MMP20: variants seen among roughly 807,000 people sequenced by gnomAD.
The protein encoded by MMP20 is matrix metalloproteinase-20.
A neutral mutation model predicts 51.8 loss-of-function variants in MMP20; 50 were observed. The ratio of observed to expected loss-of-function variants is 0.97; its 90% confidence interval spans 0.77 to 1.22. The LOEUF is 1.22. Among genes scored for constraint, MMP20 ranks in the 50% most tolerant of loss-of-function variants. MMP20 has a pLI of 0.00. For synonymous variants in MMP20, 244 were observed against 216.2 expected (o/e 1.13, Z -1.13); for missense variants, 663 against 601.4 (o/e 1.10, Z -1.07).
At chr11:102,590,174 G>A (rs922786900) in intron 8 of MMP20, among the ~76,000 whole-genome samples, 1 of 152,052 alleles carries the variant, frequency 6.6e-6, no homozygotes, top group African/African-American at 2.4e-5. Flanking sequence ...TGGTAGGCAA[G>A]GAAGAATATG....
At chr11:102,580,256 C>T (rs1013593671) in intron 8 of MMP20, among the ~76,000 whole-genome samples, 3 of 152,196 alleles carry the variant, frequency 2.0e-5, no homozygotes, top group African/African-American at 7.2e-5. Flanking sequence ...GTCAGCATGA[C>T]TTGTATGAGA....
chr11:102,620,596 G>A (rs908630631), intron 1 of MMP20, among the ~76,000 whole-genome samples: 1 of 152,158 alleles, frequency 6.6e-6, no homozygotes, highest in Non-Finnish European at 1.5e-5. Context: ...GGAGGCCAGG[G>A]GTTCCATTCC....
rs1784441 is a variant in MMP20, at chr11:102,593,219, A to G, written c.1247+220T>C. On this transcript the variant is annotated intron_variant, in intron 8 of 9. Coordinates refer to ENST00000260228, the MANE Select transcript of MMP20 (RefSeq NM_004771.4). ...AAGATCAGGATGTGTCAAGTCCTAC[A>G]GACCAAACAATGGGATTATTGAATG... Among the ~76,000 whole-genome samples, 78,109 of 152,000 alleles carry G rather than the reference A, an allele frequency of 0.51. 20,617 individuals are homozygous for G. The highest frequency in any genetic ancestry group is 0.67 in the South Asian group (3,241 of 4,822).
In MMP20 at chr11:102,594,771, CAAAAAAAAAAAA is replaced by C; in HGVS notation, c.954-26_954-15del. On this transcript the variant is annotated splice_polypyrimidine_tract_variant and intron_variant, in intron 6 of 9. Transcript: ENST00000260228. ...CTCCAGAAAATCCTATGGGACATTC[CAAAAAAAAAAAA>C]AAAAAAAATCAAGATCAATGATTGA... The C allele has an allele frequency of 7.1e-7, 1 of 1,403,682 alleles. No homozygotes were observed. Among genetic ancestry groups the C allele is most frequent in the African/African-American group, 1.7e-5 (1 of 57,278 alleles). The allele number at this position is 1,403,682 out of a possible 1,614,324, so 87.0% of individuals were successfully genotyped here.
At chr11:102,587,076 AG>A (rs1241060260) in intron 8 of MMP20, among the ~76,000 whole-genome samples, 3 of 152,132 alleles carry the variant, frequency 2.0e-5, no homozygotes, top group Non-Finnish European at 4.4e-5. Flanking sequence ...TTTTAAATAT[AG>A]GCTTTTATAG....
At chr11:102,615,054 TTAA>T (rs1859650103) in intron 2 of MMP20, among the ~76,000 whole-genome samples, 1 of 147,876 alleles carries the variant, frequency 6.8e-6, no homozygotes, top group Non-Finnish European at 1.5e-5. Context: ...ATTTATTATA[TTAA>T]TGTAATTATT....
intron 1 of MMP20, among the ~76,000 whole-genome samples, chr11:102,619,401 A>G (rs2459478): frequency 0.62 from 94,129 of 151,898 alleles, 29,636 homozygotes; most frequent in East Asian, 0.89. Flanking sequence ...TAAGTGGAAA[A>G]CATGTTTGCC....
intron 8 of MMP20, among the ~76,000 whole-genome samples, chr11:102,587,538 TG>T (rs1335466675): frequency 2.0e-5 from 3 of 152,154 alleles, no homozygotes; most frequent in Non-Finnish European, 4.4e-5. Context: ...TTACTGAAAG[TG>T]GGGTATTGAA....
At chr11:102,604,621 G>A (rs1355183648) in intron 6 of MMP20, among the ~76,000 whole-genome samples, 1 of 152,130 alleles carries the variant, frequency 6.6e-6, no homozygotes, top group Non-Finnish European at 1.5e-5. Context: ...GGGTTCCTGG[G>A]CTCAGCTCTA....
intron 6 of MMP20, among the ~76,000 whole-genome samples, chr11:102,606,089 C>T (rs1421715996): frequency 1.3e-5 from 2 of 152,206 alleles, no homozygotes; most frequent in Non-Finnish European, 2.9e-5. Context: ...AGCCAACCCT[C>T]ATTCACCAAA....
chr11:102,616,981 T>C lies in MMP20; in HGVS notation c.205A>G (p.Ile69Val), dbSNP rs1156496871. 24 of 1,614,084 alleles carry C rather than the reference T, an allele frequency of 1.5e-5. No homozygotes were observed. Among genetic ancestry groups the C allele is most frequent in the Non-Finnish European group, 1.7e-5 (20 of 1,180,040 alleles). The part of the protein sequence containing the change: ...EMVARGSNSM[I>V]RKIKELQAFF... ...GCTTGTAGCTCCTTAATCTTCCTTA[T>C]CATGGAATTGCTTCCTCTTGCAACC... Residue 69 changes from isoleucine (I) to valine (V), a missense_variant, in exon 2 of 10, where the codon ATA (isoleucine) becomes GTA (valine). By Grantham distance (29) the Ile-to-Val change is conservative. Coordinates refer to ENST00000260228, the MANE Select transcript of MMP20 (RefSeq NM_004771.4).
chr11:102,603,950 G>C (rs1382558917), intron 6 of MMP20, among the ~76,000 whole-genome samples: 1 of 151,830 alleles, frequency 6.6e-6, no homozygotes, highest in Non-Finnish European at 1.5e-5. Context: ...TCAAGACTAT[G>C]TCAAAAGATG....
intron 6 of MMP20, among the ~76,000 whole-genome samples, chr11:102,602,337 A>G (rs985882518): frequency 7.4e-5 from 8 of 107,710 alleles, no homozygotes; most frequent in Admixed American, 1.9e-4. Context: ...TTAGTGACAG[A>G]TTAAAAAAAT....
chr11:102,577,340 A>G lies in MMP20; in HGVS notation c.1438T>C (p.Trp480Arg), dbSNP rs765042034. 2 of 1,612,902 alleles carry G rather than the reference A, an allele frequency of 1.2e-6. No homozygotes were observed. Among genetic ancestry groups the G allele is most frequent in the Admixed American group, 3.3e-5 (2 of 60,016 alleles). The change falls in exon 10 of 10, where the codon TGG becomes CGG. Residue 480 changes from tryptophan (W) to arginine (R), a missense_variant. By Grantham distance (101) the Trp-to-Arg change is moderately radical. Transcript: ENST00000260228. ...DVVSVVKSSS[W>R]IGC is the part of the protein sequence containing the mutation. Reference sequence around the variant, plus strand: ...GGCTTTTCTATTTAGCAACCAATCCAGGAACTAGATTTCACCACACTAACC... The same window carrying G: ...GGCTTTTCTATTTAGCAACCAATCCGGGAACTAGATTTCACCACACTAACC...
chr11:102,611,608 T>C, intron 3 of MMP20, 147 bp downstream of exon 3: 1 of 916,938 alleles, frequency 1.1e-6, no homozygotes, highest in Non-Finnish European at 1.7e-6. Context: ...CAGATGAAGA[T>C]CATGGCTTTG....
At chr11:102,622,505 C>T (rs186495626) in intron 1 of MMP20, among the ~76,000 whole-genome samples, 1 of 152,306 alleles carries the variant, frequency 6.6e-6, no homozygotes, top group East Asian at 1.9e-4. Context: ...CTCTTTCATG[C>T]AGCTCAGGTT....
chr11:102,602,302 C>T (rs1407619047), intron 6 of MMP20, among the ~76,000 whole-genome samples: 1 of 150,906 alleles, frequency 6.6e-6, no homozygotes, highest in Non-Finnish European at 1.5e-5. Flanking sequence ...ATTTAAGACA[C>T]ATAACATCTT....
chr11:102,623,157 C>A (rs893503031), intron 1 of MMP20, among the ~76,000 whole-genome samples: 21 of 152,192 alleles, frequency 1.4e-4, no homozygotes, highest in African/African-American at 5.1e-4. Context: ...CACTAAAGGT[C>A]CCCAATATTC....
chr11:102,616,301 C>T (rs1859669393), intron 2 of MMP20, among the ~76,000 whole-genome samples: 1 of 152,174 alleles, frequency 6.6e-6, no homozygotes, highest in South Asian at 2.1e-4. Flanking sequence ...ACTTTTCACA[C>T]AGAGCTACAG....
Sources: allele counts gnomAD v4.1 joint callset (sites outside exome capture counted in the v4.1 genomes callset), GRCh38; gene constraint gnomAD v4.1.1; transcripts MANE v1.5; gene names NCBI Gene and HGNC (gene_info 2026-07-23, HGNC 2026-07-21).